Variants in MFN2 observed in about 807,000 individuals in gnomAD.
MFN2 encodes the protein mitofusin 2.
MFN2 carries 43 observed loss-of-function variants against 87.5 expected under a neutral mutation model. That is an observed-to-expected ratio of 0.49 (90% CI 0.38 to 0.63). The LOEUF (loss-of-function observed/expected upper bound fraction) is 0.63, where lower values mean the gene tolerates loss of function less well. MFN2 is among the 30% of genes least tolerant of loss of function. The pLI is 0.00. For synonymous variants in MFN2, 337 were observed against 359.9 expected, an observed-to-expected ratio of 0.94 and a Z score of 0.72; for missense variants, 743 against 972.8, an observed-to-expected ratio of 0.76 and a Z score of 3.14.
rs1639455024 is a variant in MFN2, at chr1:12,007,079, C to T, written c.1899C>T (p.Leu633=). Residue 633 remains leucine (L), a synonymous_variant, in exon 17 of 19, where the codon CTC becomes CTT. Coordinates refer to ENST00000235329, the MANE Select transcript of MFN2 (RefSeq NM_014874.4). ...GVVWKAVGWR[L]IALSFGLYGL... The stretch of plus-strand genomic sequence containing the variant: ...TGTGGAAGGCAGTGGGCTGGCGGCT[C>T]ATTGCCCTCTCCTTTGGGCTCTATG... 6.2e-7 allele frequency: 1 copy of T among 1,613,988 alleles called. No individual in the cohort carries two copies. The highest frequency in any genetic ancestry group is 8.5e-7 in the Non-Finnish European group (1 of 1,180,040).
At chr1:11,992,814 T>A (rs1279356104) in intron 4 of MFN2, 124 bp downstream of exon 4, 1 of 1,204,550 alleles carries the variant, frequency 8.3e-7, no homozygotes, top group Non-Finnish European at 1.2e-6. Context: ...TCCTCTTAAT[T>A]TATATTTTAT....
At chr1:11,997,511 A>T (rs139133433) in intron 6 of MFN2, 90 bp downstream of exon 6, 2 of 1,564,614 alleles carry the variant, frequency 1.3e-6, no homozygotes, top group Non-Finnish European at 1.8e-6. Flanking sequence ...CCTGGGCCCC[A>T]TCCTTGCTCT....
intron 4 of MFN2, 91 bp from the exon 5 acceptor site, chr1:11,996,062 ATAG>A (rs1638894264): frequency 7.2e-6 from 11 of 1,524,256 alleles, no homozygotes; most frequent in Non-Finnish European, 1.0e-5. Flanking sequence ...ATTGCACTGA[ATAG>A]GGCTTTGGCC....
Position 11,996,422 on chromosome 1 carries a change from G to C in MFN2, c.474+104G>C, listed in dbSNP as rs560380648. On this transcript the variant is annotated intron_variant, in intron 5 of 18. Coordinates refer to ENST00000235329, the MANE Select transcript of MFN2 (RefSeq NM_014874.4). ...TCTAGGGAGGGGGCAGCACCACCCT[G>C]TGGAGGTGAATGGGAGACCCTATTT... 4.0e-5 allele frequency: 55 copies of C among 1,367,650 alleles called. No individual in the cohort carries two copies. The African/African-American group carries it at 6.9e-4, about 17-fold the overall frequency. The allele number at this position is 1,367,650 out of a possible 1,614,324, so 84.7% of individuals were successfully genotyped here. A position where few individuals can be genotyped will look rare whatever the true frequency, so the allele number is the denominator to read the frequency against.
In MFN2 at chr1:12,007,141, C is replaced by A. The variant is rs776227002; in HGVS notation, c.1961C>A (p.Thr654Asn). Residue 654 changes from threonine (T) to asparagine (N), a missense_variant, in exon 17 of 19, where the codon ACC becomes AAC. This residue lies in a region of MFN2 where 571 missense variants were observed against 670.7 expected (regional missense o/e 0.85). Coordinates refer to ENST00000235329, the MANE Select transcript of MFN2 (RefSeq NM_014874.4). ...GTCTATGAGCGTCTGACCTGGACCA[C>A]CAAGGCCAAGGAGAGGGCCTTCAAG... ...LYVYERLTWTTKAKERAFKRQ... is the reference protein window; with the variant it reads ...LYVYERLTWTNKAKERAFKRQ... The A allele has an allele frequency of 6.2e-7, 1 of 1,614,216 alleles. No homozygotes were observed. The highest frequency in any genetic ancestry group is 1.1e-5 in the South Asian group (1 of 91,088).
At chr1:12,008,350 C>T (rs561229470) in intron 17 of MFN2, among the ~76,000 whole-genome samples, 238 of 146,030 alleles carry the variant, frequency 1.6e-3, no homozygotes, top group South Asian at 6.0e-3. Context: ...CCCCACCTCC[C>T]GGATGGGGCG....
intron 18 of MFN2, 67 bp from the exon 19 acceptor site, chr1:12,011,429 C>T: frequency 1.3e-6 from 2 of 1,528,578 alleles, no homozygotes; most frequent in Non-Finnish European, 1.8e-6. Flanking sequence ...AGGATGGTGC[C>T]TGGCGGGTAG....
chr1:11,993,965 T>A (rs1477516336), intron 4 of MFN2, among the ~76,000 whole-genome samples: 1 of 152,180 alleles, frequency 6.6e-6, no homozygotes, highest in East Asian at 1.9e-4. Flanking sequence ...TCTGCCCTTA[T>A]CCAGATTGAA....
At position 11,998,763 on chromosome 1, in the gene MFN2, C is replaced by T. The variant is rs1173229373; in HGVS notation, c.600-7C>T. On this transcript the variant is annotated splice_polypyrimidine_tract_variant and splice_region_variant and intron_variant, in intron 6 of 18. Transcript: ENST00000235329. ...CTGATGATTTGGTTTACCCCTGTCA[C>T]CTTTAGCCCTGGTATTGATGTCACC... 5 of 1,613,592 alleles carry T rather than the reference C, an allele frequency of 3.1e-6. No individual in the cohort carries two copies. The highest frequency in any genetic ancestry group is 4.2e-6 in the Non-Finnish European group (5 of 1,179,622).
At chr1:11,985,680 C>G (rs1638370213) in intron 2 of MFN2, among the ~76,000 whole-genome samples, 1 of 152,062 alleles carries the variant, frequency 6.6e-6, no homozygotes, top group Admixed American at 6.6e-5. Flanking sequence ...GTTGGCTAGA[C>G]TGGTCTTGAA....
At chr1:11,984,476 T>G (rs746912433) in intron 2 of MFN2, among the ~76,000 whole-genome samples, 1 of 152,258 alleles carries the variant, frequency 6.6e-6, no homozygotes. Context: ...TCATCAACTT[T>G]AGTCTTCTCA....
chr1:12,006,665 C>T lies in MFN2; in HGVS notation c.1844C>T (p.Ser615Phe). 6.2e-7 allele frequency: 1 copy of T among 1,614,180 alleles called. No homozygotes were observed. The change falls in exon 16 of 19, where the codon TCC (serine) becomes TTC (phenylalanine). Residue 615 changes from serine (S) to phenylalanine (F), a missense_variant. Transcript: ENST00000235329. ...CTGGCCTCCTTGACATCCAGGACCT[C>T]CATGGGCATTCTTGTTGTTGGAGGA... ...TGLASLTSRT[S>F]MGILVVGGVV... is the part of the protein sequence containing the mutation.
intron 6 of MFN2, 61 bp from the exon 7 acceptor site, chr1:11,998,709 C>T (rs2100831381): frequency 1.3e-6 from 2 of 1,486,890 alleles, no homozygotes; most frequent in South Asian, 1.1e-5. Context: ...GGTCTGTTCT[C>T]AGCAGGAAGA....
intron 6 of MFN2, among the ~76,000 whole-genome samples, chr1:11,998,021 T>C (rs558384009): frequency 1.3e-4 from 20 of 150,286 alleles, no homozygotes; most frequent in East Asian, 6.1e-4. Context: ...GTAGCTGGGA[T>C]TACAGGTGCC....
At chr1:12,001,898 C>G in intron 10 of MFN2, 62 bp downstream of exon 10, 3 of 1,613,866 alleles carry the variant, frequency 1.9e-6, no homozygotes, top group Non-Finnish European at 2.5e-6. Flanking sequence ...TTGGCTGTGT[C>G]CCTGGCAGTG....
chr1:11,999,491 A>G (rs78001030), intron 8 of MFN2, among the ~76,000 whole-genome samples: 6,766 of 151,994 alleles, frequency 0.045, 202 homozygotes, highest in East Asian at 0.084. Flanking sequence ...CTATTTACTT[A>G]TTTATTTAGA....
rs1569882539 is a variant in MFN2 at position 12,009,613 on chromosome 1, TC to T, written c.2092del (p.His698IlefsTer20). The part of the protein sequence containing the change: ...VQQELSGTFA[H>X]LCQQVDVTRE... ...CCAGGGAACTGTCTGGGACCTTTGC[TC>T]ATCTGTGTCAGCAAGTTGACGTCAC... On this transcript the variant is annotated frameshift_variant, in exon 18 of 19. Coordinates refer to ENST00000235329, the MANE Select transcript of MFN2 (RefSeq NM_014874.4). LOFTEE classifies it high-confidence loss of function. 6.2e-7 allele frequency: 1 copy of T among 1,614,180 alleles called. No homozygotes were observed. The highest frequency in any genetic ancestry group is 8.5e-7 in the Non-Finnish European group (1 of 1,180,030).
rs147136530 is a variant in MFN2, at chr1:12,001,426, G to C, written c.842G>C (p.Cys281Ser). 2.2e-4 allele frequency: 358 copies of C among 1,613,878 alleles called. 2 individuals carry two copies. The Middle Eastern group carries it at 4.0e-3, about 18-fold the overall frequency. Reference sequence around the variant, plus strand: ...GTGCGGCGGCAGCACATGGAGCGTTGTACCAGCTTCCTGGTGGATGAGCTG... The same window carrying C: ...GTGCGGCGGCAGCACATGGAGCGTTCTACCAGCTTCCTGGTGGATGAGCTG... ...EEVRRQHMER[C>S]TSFLVDELGV... Residue 281 changes from cysteine (C) to serine (S), a missense_variant, in exon 9 of 19, where the codon TGT becomes TCT. Cys to Ser is a moderately radical substitution (Grantham distance 112, BLOSUM62 -1). Transcript: ENST00000235329.
intron 18 of MFN2, among the ~76,000 whole-genome samples, chr1:12,010,423 G>A (rs574046921): frequency 9.5e-4 from 145 of 152,266 alleles, no homozygotes; most frequent in African/African-American, 3.4e-3. Flanking sequence ...TCAAAAAATG[G>A]CCAGGCTAGG....
Sources: allele counts gnomAD v4.1 joint callset (sites outside exome capture counted in the v4.1 genomes callset), GRCh38; gene constraint gnomAD v4.1.1; regional missense constraint gnomAD v4.1.1; transcripts MANE v1.5; gene names NCBI Gene and HGNC (gene_info 2026-07-23, HGNC 2026-07-21).